Variants in EEIG2 observed in about 807,000 individuals in gnomAD.
The protein encoded by EEIG2 is EEIG family member 2, also known as family with sequence similarity 102 member B.
chr1:108,570,047 T>C, the EEIG2 span, among the ~76,000 whole-genome samples: 1 of 152,236 alleles, frequency 6.6e-6, no homozygotes, highest in Non-Finnish European at 1.5e-5. Context: ...AAATTTACTC[T>C]TTTAATTACC....
the EEIG2 span, among the ~76,000 whole-genome samples, chr1:108,623,398 G>A: frequency 6.6e-6 from 1 of 152,160 alleles, no homozygotes; most frequent in Non-Finnish European, 1.5e-5. Flanking sequence ...GGGGGACTAA[G>A]GAAGAAGGAT....
At chr1:108,622,142 C>T in the EEIG2 span, among the ~76,000 whole-genome samples, 2 of 151,926 alleles carry the variant, frequency 1.3e-5, no homozygotes, top group Non-Finnish European at 2.9e-5. Context: ...GGGAAATGAG[C>T]GAAACTCCGT....
chr1:108,600,665 C>G, the EEIG2 span: 21 of 1,610,002 alleles, frequency 1.3e-5, no homozygotes, highest in Non-Finnish European at 1.8e-5. Flanking sequence ...ATCCTTGTAT[C>G]TACAGAGTAT....
the EEIG2 span, among the ~76,000 whole-genome samples, chr1:108,602,080 C>T: frequency 6.6e-6 from 1 of 152,118 alleles, no homozygotes; most frequent in African/African-American, 2.4e-5. Context: ...TGGAGAATAG[C>T]TTGGGCAAAG....
chr1:108,622,808 G>A, the EEIG2 span, among the ~76,000 whole-genome samples: 1 of 152,186 alleles, frequency 6.6e-6, no homozygotes. Context: ...AAGAATAACA[G>A]GGTAAGAATT....
the EEIG2 span, among the ~76,000 whole-genome samples, chr1:108,598,426 G>A: frequency 6.7e-6 from 1 of 149,352 alleles, no homozygotes; most frequent in Non-Finnish European, 1.5e-5. Flanking sequence ...TTATTTTTGA[G>A]TGTACAGGTT....
the EEIG2 span, among the ~76,000 whole-genome samples, chr1:108,615,314 T>A: frequency 2.3e-4 from 35 of 152,316 alleles, no homozygotes; most frequent in Non-Finnish European, 4.7e-4. Context: ...AACACATAGC[T>A]TATGCCTGGC....
the EEIG2 span, among the ~76,000 whole-genome samples, chr1:108,586,874 A>G: frequency 6.6e-6 from 1 of 152,180 alleles, no homozygotes; most frequent in Non-Finnish European, 1.5e-5. Flanking sequence ...TTTAGAAAGA[A>G]TAAGTCTTTT....
chr1:108,605,866 T>G, the EEIG2 span, among the ~76,000 whole-genome samples: 3 of 152,334 alleles, frequency 2.0e-5, no homozygotes, highest in Admixed American at 2.0e-4. Flanking sequence ...TGTTGAAATC[T>G]TTCTATATTA....
At chr1:108,605,943 C>T in the EEIG2 span, among the ~76,000 whole-genome samples, 1 of 152,030 alleles carries the variant, frequency 6.6e-6, no homozygotes, top group Admixed American at 6.6e-5. Flanking sequence ...TGCAGTGAGT[C>T]CACAACACTT....
the EEIG2 span, among the ~76,000 whole-genome samples, chr1:108,579,760 T>A: frequency 1.4e-3 from 48 of 33,542 alleles, no homozygotes; most frequent in Non-Finnish European, 3.1e-3. Flanking sequence ...TGTGTGTGTG[T>A]GTGTGTGTGT....
chr1:108,564,620 T>C, the EEIG2 span, among the ~76,000 whole-genome samples: 1 of 152,156 alleles, frequency 6.6e-6, no homozygotes, highest in East Asian at 1.9e-4. Flanking sequence ...AGAATTTCCT[T>C]ACATTGTTTT....
At chr1:108,583,776 C>T in the EEIG2 span, among the ~76,000 whole-genome samples, 6 of 151,716 alleles carry the variant, frequency 4.0e-5, no homozygotes, top group Admixed American at 2.0e-4. Flanking sequence ...GATAATCCAC[C>T]GGGACAAGAT....
the EEIG2 span, among the ~76,000 whole-genome samples, chr1:108,578,348 C>A: frequency 3.2e-5 from 4 of 126,544 alleles, no homozygotes; most frequent in Non-Finnish European, 4.8e-5. Context: ...TGAATAGGAG[C>A]GGTGAGAGAG....
the EEIG2 span, among the ~76,000 whole-genome samples, chr1:108,614,332 GA>G: frequency 6.6e-6 from 1 of 151,750 alleles, no homozygotes; most frequent in Non-Finnish European, 1.5e-5. Context: ...GAGCATTGCT[GA>G]AGAGAATCAC....
At chr1:108,587,886 G>T in the EEIG2 span, among the ~76,000 whole-genome samples, 1 of 152,056 alleles carries the variant, frequency 6.6e-6, no homozygotes, top group East Asian at 1.9e-4. Flanking sequence ...TGTAGAATTT[G>T]CATAGTTAGA....
At chr1:108,617,595 T>C in the EEIG2 span, among the ~76,000 whole-genome samples, 1 of 152,090 alleles carries the variant, frequency 6.6e-6, no homozygotes, top group Non-Finnish European at 1.5e-5. Flanking sequence ...TATTACATCA[T>C]CAGCATACAG....
At chr1:108,623,207 C>T in the EEIG2 span, among the ~76,000 whole-genome samples, 3 of 152,182 alleles carry the variant, frequency 2.0e-5, no homozygotes, top group Admixed American at 1.3e-4. Context: ...GGCACCATGG[C>T]TCACATCTGT....
At chr1:108,568,353 G>A in the EEIG2 span, among the ~76,000 whole-genome samples, 1 of 152,110 alleles carries the variant, frequency 6.6e-6, no homozygotes, top group Non-Finnish European at 1.5e-5. Context: ...GTTCGGTTTG[G>A]GGTGCAGGCC....
Sources: allele counts gnomAD v4.1 joint callset (sites outside exome capture counted in the v4.1 genomes callset), GRCh38; gene constraint gnomAD v4.1.1; transcripts MANE v1.5; gene names NCBI Gene and HGNC (gene_info 2026-07-23, HGNC 2026-07-21).